PTPRD: variants seen among roughly 807,000 people sequenced by gnomAD.
PTPRD encodes the protein protein tyrosine phosphatase receptor type D, also known as receptor-type tyrosine-protein phosphatase delta.
Under a neutral mutation model 214.5 loss-of-function variants are expected in PTPRD, and 34 were observed. That is an observed-to-expected ratio of 0.16 (90% CI 0.12 to 0.21). The LOEUF is 0.21. Among genes scored for constraint, PTPRD ranks in the 10% least tolerant of loss-of-function variants. The pLI is 1.00. For missense variants in PTPRD, 2,545 were observed against 2,398.7 expected (o/e 1.06, Z -1.27); for synonymous variants, 1,128 against 845.7 (o/e 1.33, Z -5.79).
intron 7 of PTPRD, among the ~76,000 whole-genome samples, chr9:9,586,855 C>A (rs1047087520): frequency 6.6e-6 from 1 of 151,826 alleles, no homozygotes; most frequent in African/African-American, 2.4e-5. Context: ...ACATTTATTC[C>A]ATTTTATCAG....
chr9:8,697,764 GGTGT>G (rs111905531), intron 12 of PTPRD, among the ~76,000 whole-genome samples: 3 of 149,896 alleles, frequency 2.0e-5, no homozygotes, highest in South Asian at 2.1e-4. Context: ...TGGGTGCGTG[GGTGT>G]GTGTGTGTGT....
intron 11 of PTPRD, among the ~76,000 whole-genome samples, chr9:8,909,991 A>G (rs1250518817): frequency 1.3e-5 from 2 of 151,840 alleles, no homozygotes; most frequent in Non-Finnish European, 2.9e-5. Flanking sequence ...TATAGTTTAA[A>G]CAGTTGTCCT....
chr9:10,183,413 T>C (rs923167298), intron 3 of PTPRD, among the ~76,000 whole-genome samples: 2 of 152,146 alleles, frequency 1.3e-5, no homozygotes, highest in African/African-American at 4.8e-5. Context: ...TTAAGGAATG[T>C]ATATCTCTGA....
chr9:10,132,093 T>C (rs1439144876), intron 3 of PTPRD, among the ~76,000 whole-genome samples: 1 of 152,158 alleles, frequency 6.6e-6, no homozygotes. Flanking sequence ...ATCACTGAGA[T>C]AGTTTCTATG....
At position 9,937,439 on chromosome 9, in the gene PTPRD, T is replaced by A. The variant is rs1452841313; in HGVS notation, c.-368+1068A>T. Among the ~76,000 whole-genome samples, 9 of 145,208 alleles carry A rather than the reference T, an allele frequency of 6.2e-5. No individual in the cohort carries two copies. In the South Asian group the frequency reaches 1.3e-3, roughly 21 times the overall value. On this transcript the variant is annotated intron_variant, in intron 5 of 45. Transcript: ENST00000381196. ...TCCATAGATAAATAAAAAAAAAAAA[T>A]AGTTCCATAGAATTTTACTATTAGA...
chr9:9,177,142 G>A (rs1040154809), intron 10 of PTPRD, among the ~76,000 whole-genome samples: 5 of 152,072 alleles, frequency 3.3e-5, no homozygotes, highest in Non-Finnish European at 7.4e-5. Flanking sequence ...CATGGTGGAA[G>A]GTGAAGGGGA....
At chr9:9,961,966 G>C (rs2094395265) in intron 4 of PTPRD, among the ~76,000 whole-genome samples, 1 of 151,862 alleles carries the variant, frequency 6.6e-6, no homozygotes, top group African/African-American at 2.4e-5. Context: ...CAATTATTAT[G>C]TACCAATTTA....
chr9:10,365,979 G>C (rs2154474094), intron 2 of PTPRD, among the ~76,000 whole-genome samples: 1 of 152,272 alleles, frequency 6.6e-6, no homozygotes, highest in Middle Eastern at 3.4e-3. Context: ...AAACTAAACA[G>C]TCAAATGCAG....
chr9:8,761,810 C>T (rs995667603), intron 11 of PTPRD, among the ~76,000 whole-genome samples: 1 of 152,088 alleles, frequency 6.6e-6, no homozygotes, highest in African/African-American at 2.4e-5. Context: ...TCACTAAATT[C>T]TGCCACAGTA....
At chr9:10,466,202 T>C (rs2098992287) in intron 2 of PTPRD, among the ~76,000 whole-genome samples, 1 of 152,182 alleles carries the variant, frequency 6.6e-6, no homozygotes, top group South Asian at 2.1e-4. Flanking sequence ...ATTCATACAA[T>C]GAGAAAACTG....
intron 3 of PTPRD, among the ~76,000 whole-genome samples, chr9:10,110,700 A>G (rs1421396922): frequency 2.0e-5 from 3 of 152,206 alleles, no homozygotes; most frequent in African/African-American, 7.2e-5. Flanking sequence ...GGCCTATCCA[A>G]TCCGTAAAAG....
chr9:9,298,135 G>A (rs1953822438), intron 9 of PTPRD, among the ~76,000 whole-genome samples: 1 of 151,616 alleles, frequency 6.6e-6, no homozygotes, highest in African/African-American at 2.4e-5. Context: ...AAAGAGTGAA[G>A]TCAGAAAAGG....
chr9:8,644,032 T>C (rs2096634811), intron 12 of PTPRD, among the ~76,000 whole-genome samples: 1 of 152,152 alleles, frequency 6.6e-6, no homozygotes, highest in African/African-American at 2.4e-5. Context: ...TGGCATGCAC[T>C]TCATCCCCTC....
intron 14 of PTPRD, among the ~76,000 whole-genome samples, chr9:8,566,467 A>C (rs1006158807): frequency 6.6e-6 from 1 of 152,068 alleles, no homozygotes; most frequent in Non-Finnish European, 1.5e-5. Flanking sequence ...TCCTATTTTG[A>C]TAATATCCTC....
intron 7 of PTPRD, among the ~76,000 whole-genome samples, chr9:9,617,766 A>G (rs2094969446): frequency 6.6e-6 from 1 of 151,906 alleles, no homozygotes; most frequent in Non-Finnish European, 1.5e-5. Flanking sequence ...TTTTATCTTG[A>G]CTTTTTTTAA....
intron 8 of PTPRD, among the ~76,000 whole-genome samples, chr9:9,491,096 G>A (rs1204390455): frequency 6.6e-6 from 1 of 151,774 alleles, no homozygotes; most frequent in Admixed American, 6.6e-5. Flanking sequence ...AAAGTTAAAG[G>A]ATGGAAAAAA....
intron 4 of PTPRD, among the ~76,000 whole-genome samples, chr9:10,010,763 GA>G (rs2096581554): frequency 6.6e-6 from 1 of 151,872 alleles, no homozygotes; most frequent in Non-Finnish European, 1.5e-5. Context: ...TTATGGTAAT[GA>G]GGAGACCAAA....
At chr9:8,322,187 A>G (rs946508909) in intron 44 of PTPRD, among the ~76,000 whole-genome samples, 4 of 151,972 alleles carry the variant, frequency 2.6e-5, no homozygotes, top group Middle Eastern at 3.2e-3. Flanking sequence ...TCCTTGAGAC[A>G]CAACAATATC....
chr9:9,490,055 G>GCAAATT (rs1458712653), intron 8 of PTPRD, among the ~76,000 whole-genome samples: 2 of 152,062 alleles, frequency 1.3e-5, no homozygotes, highest in African/African-American at 4.8e-5. Context: ...AAGATTATGT[G>GCAAATT]CAAATTTCTT....
Sources: allele counts gnomAD v4.1 joint callset (sites outside exome capture counted in the v4.1 genomes callset), GRCh38; gene constraint gnomAD v4.1.1; transcripts MANE v1.5; gene names NCBI Gene and HGNC (gene_info 2026-07-23, HGNC 2026-07-21).